STK32B: variants seen among roughly 807,000 people sequenced by gnomAD.
STK32B encodes the protein serine/threonine kinase 32B, also known as serine/threonine-protein kinase 32B.
Under a neutral mutation model 52.6 loss-of-function variants are expected in STK32B, and 43 were observed. That is an observed-to-expected ratio of 0.82 (90% CI 0.64 to 1.05). The LOEUF is 1.05. Among genes scored for constraint, STK32B ranks in the 50% least tolerant of loss-of-function variants. The pLI is 0.00. For synonymous variants in STK32B, 238 were observed against 204.3 expected, an observed-to-expected ratio of 1.17 and a Z score of -1.41; for missense variants, 621 against 534.6, an observed-to-expected ratio of 1.16 and a Z score of -1.59.
chr4:5,418,623 TA>T (rs1230039897), intron 6 of STK32B, among the ~76,000 whole-genome samples: 1 of 152,038 alleles, frequency 6.6e-6, no homozygotes, highest in African/African-American at 2.4e-5. Context: ...TAACCAGAGG[TA>T]CAACTTTTGC....
intron 3 of STK32B, among the ~76,000 whole-genome samples, chr4:5,200,302 C>T (rs1472882795): frequency 6.7e-6 from 1 of 148,980 alleles, no homozygotes; most frequent in African/African-American, 2.5e-5. Flanking sequence ...ATTATAATTC[C>T]TTGGTCCAAA....
chr4:5,418,144 A>G (rs1485607197), intron 6 of STK32B, among the ~76,000 whole-genome samples: 1 of 152,252 alleles, frequency 6.6e-6, no homozygotes, highest in African/African-American at 2.4e-5. Flanking sequence ...ACCATTAATG[A>G]AACAACCCAT....
At chr4:5,095,761 A>G (rs1177804354) in intron 1 of STK32B, among the ~76,000 whole-genome samples, 1 of 152,218 alleles carries the variant, frequency 6.6e-6, no homozygotes. Flanking sequence ...TGACCCTTTG[A>G]TTGTGTGATT....
intron 7 of STK32B, among the ~76,000 whole-genome samples, chr4:5,448,952 A>T (rs955037269): frequency 6.6e-6 from 1 of 152,186 alleles, no homozygotes; most frequent in Non-Finnish European, 1.5e-5. Context: ...ACGTAAATTT[A>T]GGAGTTATCC....
intron 1 of STK32B, among the ~76,000 whole-genome samples, chr4:5,093,774 G>A (rs1473670621): frequency 6.6e-6 from 1 of 152,168 alleles, no homozygotes; most frequent in African/African-American, 2.4e-5. Context: ...CCCTCTAAAT[G>A]TGTATCACCT....
At chr4:5,346,579 A>G (rs1733472236) in intron 4 of STK32B, among the ~76,000 whole-genome samples, 1 of 152,158 alleles carries the variant, frequency 6.6e-6, no homozygotes, top group Non-Finnish European at 1.5e-5. Context: ...GACAGGGTCC[A>G]GGCCTGGCCA....
intron 4 of STK32B, among the ~76,000 whole-genome samples, chr4:5,335,242 T>C (rs1417049045): frequency 5.3e-5 from 8 of 152,232 alleles, no homozygotes; most frequent in African/African-American, 1.7e-4. Context: ...CCATTTCTTC[T>C]AGATTTTCTA....
chr4:5,413,353 A>C (rs1401998713), intron 5 of STK32B, among the ~76,000 whole-genome samples: 1 of 152,194 alleles, frequency 6.6e-6, no homozygotes, highest in African/African-American at 2.4e-5. Flanking sequence ...AGTTCAGTGG[A>C]ATCAGGCTTC....
chr4:5,270,438 A>C (rs187734467), intron 3 of STK32B, among the ~76,000 whole-genome samples: 1 of 152,188 alleles, frequency 6.6e-6, no homozygotes, highest in East Asian at 1.9e-4. Context: ...ACCCAGATTG[A>C]GGGTGGGTCT....
At chr4:5,133,743 G>T (rs1187863985) in intron 1 of STK32B, among the ~76,000 whole-genome samples, 2 of 152,182 alleles carry the variant, frequency 1.3e-5, no homozygotes, top group African/African-American at 4.8e-5. Flanking sequence ...TAAGTGACTA[G>T]GTTGAAGGCC....
intron 2 of STK32B, among the ~76,000 whole-genome samples, chr4:5,166,953 G>C (rs1254317938): frequency 6.6e-6 from 1 of 151,746 alleles, no homozygotes; most frequent in Non-Finnish European, 1.5e-5. Flanking sequence ...CCCTCCTCGG[G>C]GTGTTGGGAA....
intron 1 of STK32B, among the ~76,000 whole-genome samples, chr4:5,129,343 T>G (rs1715606616): frequency 6.6e-6 from 1 of 152,250 alleles, no homozygotes; most frequent in Non-Finnish European, 1.5e-5. Flanking sequence ...CAAAGCTGTT[T>G]TCTTCCCTCC....
chr4:5,428,633 T>G (rs778673302), intron 6 of STK32B, among the ~76,000 whole-genome samples: 3 of 152,218 alleles, frequency 2.0e-5, no homozygotes, highest in Non-Finnish European at 4.4e-5. Context: ...TCTTTGGTCC[T>G]GTGTTCTATA....
At chr4:5,117,031 A>G (rs1464698698) in intron 1 of STK32B, among the ~76,000 whole-genome samples, 1 of 152,194 alleles carries the variant, frequency 6.6e-6, no homozygotes, top group Non-Finnish European at 1.5e-5. Flanking sequence ...TGTTAGTTTT[A>G]ACAGTCTTTT....
At chr4:5,114,125 A>G (rs1380034989) in intron 1 of STK32B, among the ~76,000 whole-genome samples, 1 of 151,852 alleles carries the variant, frequency 6.6e-6, no homozygotes, top group African/African-American at 2.4e-5. Flanking sequence ...CCTCATCAGC[A>G]TCATGTCTTC....
At chr4:5,065,859 G>A (rs1024320262) in intron 1 of STK32B, among the ~76,000 whole-genome samples, 12 of 151,986 alleles carry the variant, frequency 7.9e-5, no homozygotes, top group Admixed American at 5.9e-4. Context: ...AAATAGCTGC[G>A]ATTACAGGCA....
chr4:5,429,253 G>A (rs1321026816), intron 6 of STK32B, among the ~76,000 whole-genome samples: 2 of 150,226 alleles, frequency 1.3e-5, no homozygotes, highest in East Asian at 2.0e-4. Flanking sequence ...AACAGTATCT[G>A]TCTTTTCATT....
intron 1 of STK32B, among the ~76,000 whole-genome samples, chr4:5,116,549 G>T (rs1714728776): frequency 6.6e-6 from 1 of 152,074 alleles, no homozygotes; most frequent in South Asian, 2.1e-4. Flanking sequence ...TATATTTGTA[G>T]TATATTTTGA....
intron 5 of STK32B, among the ~76,000 whole-genome samples, chr4:5,409,902 C>G (rs183980283): frequency 2.0e-5 from 3 of 152,130 alleles, no homozygotes; most frequent in Non-Finnish European, 2.9e-5. Flanking sequence ...TCATTTTATT[C>G]TTTATCAGGC....
Sources: gnomAD v4.1 joint callset for allele counts (sites outside exome capture counted in the v4.1 genomes callset) on GRCh38, gnomAD v4.1.1 for gene constraint, MANE v1.5 for transcripts, NCBI Gene and HGNC (gene_info 2026-07-23, HGNC 2026-07-21) for gene names.